Variants in LEKR1 observed in about 807,000 individuals in gnomAD.
The protein encoded by LEKR1 is leucine, glutamate and lysine rich 1, also known as protein LEKR1.
A neutral mutation model predicts 72.4 loss-of-function variants in LEKR1; 59 were observed. That is an observed-to-expected ratio of 0.82 (90% CI 0.66 to 1.01). The LOEUF (loss-of-function observed/expected upper bound fraction) is 1.01. Ranked by LOEUF, LEKR1 falls within the 50% of genes least tolerant of loss-of-function variation. LEKR1 has a pLI of 0.00. For synonymous variants in LEKR1, 257 were observed against 263.2 expected, an observed-to-expected ratio of 0.98 and a Z score of 0.23; for missense variants, 728 against 759.2, an observed-to-expected ratio of 0.96 and a Z score of 0.48.
intron 9 of LEKR1, among the ~76,000 whole-genome samples, chr3:157,009,634 A>G (rs1029437602): frequency 1.3e-5 from 2 of 152,058 alleles, no homozygotes; most frequent in African/African-American, 2.4e-5. Flanking sequence ...GCTACATTAC[A>G]CAACTATAAC....
At chr3:156,881,846 G>A (rs1199825969) in intron 3 of LEKR1, among the ~76,000 whole-genome samples, 8 of 138,624 alleles carry the variant, frequency 5.8e-5, no homozygotes, top group African/African-American at 1.6e-4. Flanking sequence ...AAATAACGCC[G>A]CATATCTACA....
intron 10 of LEKR1, among the ~76,000 whole-genome samples, chr3:157,024,297 A>G (rs964050991): frequency 1.3e-5 from 2 of 152,210 alleles, no homozygotes; most frequent in African/African-American, 2.4e-5. Flanking sequence ...TAAAATGACA[A>G]TCTGTGACTT....
chr3:156,844,295 T>G (rs924853060), intron 2 of LEKR1, among the ~76,000 whole-genome samples: 10 of 152,176 alleles, frequency 6.6e-5, no homozygotes, highest in Non-Finnish European at 1.2e-4. Flanking sequence ...ATTAAACTTC[T>G]TATTTTGAGA....
intron 6 of LEKR1, among the ~76,000 whole-genome samples, chr3:156,945,194 CTGTTTGCCATT>C (rs1726573801): frequency 6.6e-6 from 1 of 151,670 alleles, no homozygotes. Context: ...TTCCATATAC[CTGTTTGCCATT>C]TGTTTGTCTG....
intron 6 of LEKR1, among the ~76,000 whole-genome samples, chr3:156,962,652 T>C (rs1254827346): frequency 2.6e-5 from 4 of 152,200 alleles, no homozygotes; most frequent in Admixed American, 1.3e-4. Context: ...AACTTTCATC[T>C]AAAGATTACC....
At chr3:156,851,519 A>G (rs1560024669) in intron 2 of LEKR1, among the ~76,000 whole-genome samples, 6 of 152,186 alleles carry the variant, frequency 3.9e-5, no homozygotes. Context: ...CTTGAACCAG[A>G]TTATCTTTAT....
At chr3:156,872,090 C>CTT (rs541032237) in intron 3 of LEKR1, among the ~76,000 whole-genome samples, 25 of 143,240 alleles carry the variant, frequency 1.7e-4, no homozygotes, top group African/African-American at 5.3e-4. Context: ...TGTTGGCAGA[C>CTT]TTTTTTTTTT....
intron 3 of LEKR1, among the ~76,000 whole-genome samples, chr3:156,869,984 T>C (rs1717740549): frequency 6.6e-6 from 1 of 152,110 alleles, no homozygotes; most frequent in East Asian, 1.9e-4. Context: ...GTGTGTGTTC[T>C]TGGTGCCTTT....
At chr3:157,015,216 C>T (rs958578090) in intron 10 of LEKR1, among the ~76,000 whole-genome samples, 26 of 152,102 alleles carry the variant, frequency 1.7e-4, no homozygotes, top group Admixed American at 4.6e-4. Flanking sequence ...CCTGGGAGAT[C>T]ATGGTGGCTA....
intron 5 of LEKR1, among the ~76,000 whole-genome samples, chr3:156,937,145 C>T (rs1411906549): frequency 6.6e-6 from 1 of 151,028 alleles, no homozygotes; most frequent in East Asian, 1.9e-4. Context: ...ATTGCAAAAC[C>T]CTGTCCTAAA....
At chr3:156,881,036 C>T (rs1267512354) in intron 3 of LEKR1, among the ~76,000 whole-genome samples, 1 of 152,136 alleles carries the variant, frequency 6.6e-6, no homozygotes, top group Non-Finnish European at 1.5e-5. Context: ...AACCCACAGC[C>T]AATATCATAC....
chr3:156,828,336 G>T lies in LEKR1; in HGVS notation c.-44-950G>T, dbSNP rs879848798. On this transcript the variant is annotated intron_variant, in intron 1 of 12. Transcript: ENST00000356539. Reference sequence around the variant, plus strand: ...GTTGCTCTCTCTGATAGAGTACTTTGCTTCTCCAGTCTCTTGTCAAAATCC... The same window carrying T: ...GTTGCTCTCTCTGATAGAGTACTTTTCTTCTCCAGTCTCTTGTCAAAATCC... Among the ~76,000 whole-genome samples the T allele has an allele frequency of 3.3e-5, 5 of 152,274 alleles. 1 individual carries two copies. Among genetic ancestry groups the T allele is most frequent in the Admixed American group, 3.3e-4 (5 of 15,302 alleles).
chr3:156,855,576 A>G (rs1715963235), intron 3 of LEKR1, among the ~76,000 whole-genome samples: 1 of 151,994 alleles, frequency 6.6e-6, no homozygotes, highest in African/African-American at 2.4e-5. Flanking sequence ...CTTTCACTTC[A>G]TTGTATTTTT....
Position 156,942,846 on chromosome 3 carries a change from G to A in LEKR1, c.745+132G>A, listed in dbSNP as rs548940025. 8.6e-4 allele frequency: 310 copies of A among 361,204 alleles called. 3 individuals are homozygous for A. Among genetic ancestry groups the A allele is most frequent in the African/African-American group, 6.7e-3 (291 of 43,622 alleles). 22.4% of individuals were successfully genotyped at this position (361,204 alleles called of 1,614,324 possible). On this transcript the variant is annotated intron_variant, in intron 6 of 12. Transcript: ENST00000356539. ...GAGTTGCAAATATGCCTAATTATTA[G>A]TATCACTATGGTGATAACTGTGTCT...
chr3:156,979,091 T>C (rs1576937599), intron 6 of LEKR1, 103 bp from the exon 7 acceptor site: 2 of 473,398 alleles, frequency 4.2e-6, no homozygotes, highest in East Asian at 7.0e-5. Flanking sequence ...AGCTGCCTTA[T>C]TCTTCAGGAG....
chr3:156,924,845 A>G (rs7650127), intron 4 of LEKR1: 59,470 of 220,088 alleles, frequency 0.27, 11,417 homozygotes, highest in African/African-American at 0.6. Context: ...TAAGTACTAC[A>G]GTTTTTAATA....
At chr3:156,930,636 T>C (rs893187309) in intron 5 of LEKR1, among the ~76,000 whole-genome samples, 1 of 152,138 alleles carries the variant, frequency 6.6e-6, no homozygotes, top group African/African-American at 2.4e-5. Flanking sequence ...TTAAAAAGTA[T>C]TCAAACAATC....
At chr3:156,882,945 T>G (rs1212129902) in intron 3 of LEKR1, among the ~76,000 whole-genome samples, 3 of 151,368 alleles carry the variant, frequency 2.0e-5, no homozygotes, top group African/African-American at 7.3e-5. Flanking sequence ...AGGTGGGAAT[T>G]GAACAATGAG....
intron 6 of LEKR1, 45 bp from the exon 7 acceptor site, chr3:156,979,149 C>G: frequency 1.2e-6 from 1 of 831,872 alleles, no homozygotes; most frequent in Non-Finnish European, 1.8e-6. Flanking sequence ...AATATCTGGA[C>G]ACTTAAAATG....
Sources: allele counts gnomAD v4.1 joint callset (sites outside exome capture counted in the v4.1 genomes callset), GRCh38; gene constraint gnomAD v4.1.1; transcripts MANE v1.5; gene names NCBI Gene and HGNC (gene_info 2026-07-23, HGNC 2026-07-21).